The following ENC1 variants were observed in gnomAD, a reference collection of about 807,000 sequenced individuals.
The protein encoded by ENC1 is ectodermal-neural cortex 1, also known as ectoderm-neural cortex protein 1.
In ENC1, 19 loss-of-function variants were observed where a neutral mutation model predicts 40.9. The observed-to-expected ratio is 0.46, with a 90% confidence interval of 0.32 to 0.68. ENC1 has a LOEUF of 0.68. Ranked by LOEUF, ENC1 falls within the 30% of genes least tolerant of loss-of-function variation. ENC1 has a pLI of 0.03. For missense variants in ENC1, 479 were observed against 737.5 expected, an observed-to-expected ratio of 0.65 and a Z score of 4.06; for synonymous variants, 285 against 291.1, an observed-to-expected ratio of 0.98 and a Z score of 0.21.
chr5:74,632,922 T>C (rs948085298), intron 2 of ENC1, among the ~76,000 whole-genome samples: 1 of 152,076 alleles, frequency 6.6e-6, no homozygotes, highest in African/African-American at 2.4e-5. Context: ...AAATGAGCTG[T>C]AAGGGACAGG....
chr5:74,635,986 AG>A lies in ENC1; in HGVS notation c.499del (p.Leu167TyrfsTer27). 6.2e-7 allele frequency: 1 copy of A among 1,614,176 alleles called. No homozygotes were observed. ...GTTGCTGAGACACATTCTCCAAGAT[AG>A]TTCGTACAGCTTGGTGCACTGGTGT... Reference protein sequence around the residue: ...DAHQCTKLYELSWRMCLSNFQ... With the variant: ...DAHQCTKLYEXSWRMCLSNFQ... On this transcript the variant is annotated frameshift_variant, in exon 2 of 3. Coordinates refer to ENST00000302351, the MANE Select transcript of ENC1 (RefSeq NM_003633.4). LOFTEE classifies it high-confidence loss of function. This position sits in a 1 kb window ranked among gnomAD's most constrained non-coding sequence, Gnocchi z 5.5.
At position 74,636,010 on chromosome 5, in the gene ENC1, T is replaced by C; in HGVS notation, c.476A>G (p.His159Arg). The change falls in exon 2 of 3, where the codon CAC becomes CGC. Residue 159 changes from histidine (H) to arginine (R), a missense_variant. Transcript: ENST00000302351. The surrounding 1 kb of genome is among the most constrained non-coding windows in gnomAD (Gnocchi z 4.8). ...CLGMLLLSDA[H>R]QCTKLYELSW... ...TAGTTCGTACAGCTTGGTGCACTGG[T>C]GTGCATCAGACAGCAGCAGCATGCC... 6.2e-7 allele frequency: 1 copy of C among 1,613,602 alleles called. No homozygotes were observed. Among genetic ancestry groups the C allele is most frequent in the Non-Finnish European group, 8.5e-7 (1 of 1,179,502 alleles).
chr5:74,635,852 C>T lies in ENC1; in HGVS notation c.634G>A (p.Glu212Lys), dbSNP rs1346132119. ...TAGCTGATCCAGTTAATTGCAGACT[C>T]GTACACAAGCCTTTCATCCTCTGTC... ...LETEDERLVY[E>K]SAINWISYDL... The change falls in exon 2 of 3, where the codon GAG (glutamate) becomes AAG (lysine). Residue 212 changes from glutamate (E) to lysine (K), a missense_variant. Transcript: ENST00000302351. The surrounding 1 kb of genome is among the most constrained non-coding windows in gnomAD (Gnocchi z 5.5). The T allele has an allele frequency of 6.2e-7, 1 of 1,613,972 alleles. No individual in the cohort carries two copies. The highest frequency in any genetic ancestry group is 8.5e-7 in the Non-Finnish European group (1 of 1,180,022).
At position 74,634,831 on chromosome 5, in the gene ENC1, C is replaced by T; in HGVS notation, c.1655G>A (p.Cys552Tyr). 1 of 1,614,128 alleles carries T rather than the reference C, an allele frequency of 6.2e-7. No homozygotes were observed. The highest frequency in any genetic ancestry group is 8.5e-7 in the Non-Finnish European group (1 of 1,179,968). Residue 552 changes from cysteine (C) to tyrosine (Y), a missense_variant, in exon 2 of 3, where the codon TGC (cysteine) becomes TAC (tyrosine). Transcript: ENST00000302351. ...TGGATCGTAGCAGTCCAAAGTCTTG[C>T]ATCGCTGAATGCCAAAGTATCCTCC... Reference protein sequence around the residue: ...VVGGYFGIQRCKTLDCYDPTL... With the variant: ...VVGGYFGIQRYKTLDCYDPTL...
At chr5:74,637,018 G>T (rs1385446068) in intron 1 of ENC1, among the ~76,000 whole-genome samples, 1 of 152,194 alleles carries the variant, frequency 6.6e-6, no homozygotes, top group African/African-American at 2.4e-5. Context: ...AATTCCTTTG[G>T]TAAGATCCAA....
chr5:74,639,211 G>C (rs1287665257), intron 1 of ENC1, among the ~76,000 whole-genome samples: 1 of 152,196 alleles, frequency 6.6e-6, no homozygotes, highest in African/African-American at 2.4e-5. Flanking sequence ...CTTGCTTTCT[G>C]GTTTAAAACT....
intron 2 of ENC1, among the ~76,000 whole-genome samples, chr5:74,631,523 C>G (rs926157671): frequency 4.6e-5 from 7 of 152,206 alleles, no homozygotes; most frequent in African/African-American, 1.7e-4. Flanking sequence ...GTGTAGTAAA[C>G]TTTAGAAATT....
At position 74,635,296 on chromosome 5, in the gene ENC1, G is replaced by A. The variant is rs780317395; in HGVS notation, c.1190C>T (p.Thr397Met). Residue 397 changes from threonine (T) to methionine (M), a missense_variant, in exon 2 of 3, where the codon ACG becomes ATG. Coordinates refer to ENST00000302351, the MANE Select transcript of ENC1 (RefSeq NM_003633.4). This position sits in a 1 kb window ranked among gnomAD's most constrained non-coding sequence, Gnocchi z 5.5. ...GGCCGGGAGGCAGCCAGTTGCGGCC[G>A]TGTGCCCCCCAACCACATACAGGCA... is the stretch of plus-strand genomic sequence containing the variant. ...KHCLYVVGGHTAATGCLPASP... is the reference protein window; with the variant it reads ...KHCLYVVGGHMAATGCLPASP... 8 of 1,614,058 alleles carry A rather than the reference G, an allele frequency of 5.0e-6. No homozygotes were observed. The highest frequency in any genetic ancestry group is 1.3e-5 in the African/African-American group (1 of 74,926).
Position 74,635,996 on chromosome 5 carries a change from G to A in ENC1, c.490C>T (p.Leu164=). The A allele has an allele frequency of 6.2e-7, 1 of 1,614,152 alleles. No individual in the cohort carries two copies. The highest frequency in any genetic ancestry group is 8.5e-7 in the Non-Finnish European group (1 of 1,179,984). Reference sequence around the variant, plus strand: ...CACATTCTCCAAGATAGTTCGTACAGCTTGGTGCACTGGTGTGCATCAGAC... The same window carrying A: ...CACATTCTCCAAGATAGTTCGTACAACTTGGTGCACTGGTGTGCATCAGAC... ...LLSDAHQCTK[L]YELSWRMCLS... Residue 164 remains leucine, a synonymous_variant, in exon 2 of 3, where the codon CTG becomes TTG. Coordinates refer to ENST00000302351, the MANE Select transcript of ENC1 (RefSeq NM_003633.4). The surrounding 1 kb of genome is among the most constrained non-coding windows in gnomAD (Gnocchi z 5.5).
At position 74,628,101 on chromosome 5, in the gene ENC1, G is replaced by C. The variant is rs1307496765; in HGVS notation, c.*1924C>G. ...ACGACACTGACTATGCCCACTGGGG[G>C]ACAATTAGACATTTGCATTGCTTAG... On this transcript the variant is annotated 3_prime_UTR_variant, in exon 3 of 3. Coordinates refer to ENST00000302351, the MANE Select transcript of ENC1 (RefSeq NM_003633.4). 1 of 152,538 alleles carries C rather than the reference G, an allele frequency of 6.6e-6. No individual in the cohort carries two copies. The highest frequency in any genetic ancestry group is 1.5e-5 in the Non-Finnish European group (1 of 68,046). The allele number at this position is 152,538 out of a possible 1,614,324, so 9.4% of individuals were successfully genotyped here. A position where few individuals can be genotyped will look rare whatever the true frequency, so the allele number is the denominator to read the frequency against.
At chr5:74,638,816 A>G (rs1022249999) in intron 1 of ENC1, among the ~76,000 whole-genome samples, 1 of 152,190 alleles carries the variant, frequency 6.6e-6, no homozygotes, top group African/African-American at 2.4e-5. Flanking sequence ...TGCTGCCCTG[A>G]GTGAAGGAAG....
chr5:74,635,625 A>T lies in ENC1; in HGVS notation c.861T>A (p.Cys287Ter). Residue 287 changes from cysteine to a stop codon, truncating the protein, a stop_gained, in exon 2 of 3, where the codon TGT becomes TGA. Coordinates refer to ENST00000302351, the MANE Select transcript of ENC1 (RefSeq NM_003633.4). LOFTEE classifies it high-confidence loss of function. The surrounding 1 kb of genome is among the most constrained non-coding windows in gnomAD (Gnocchi z 5.5). ...CATGGCCAGTTTTCCGAGGTCGGGC[A>T]CAGAGGCTGGTTACCACACCGTCAT... is the stretch of plus-strand genomic sequence containing the variant. ...LQNDGVVTSL[C>*]ARPRKTGHAL... is the part of the protein sequence containing the mutation. 1 of 1,614,248 alleles carries T rather than the reference A, an allele frequency of 6.2e-7. No individual in the cohort carries two copies. The highest frequency in any genetic ancestry group is 8.5e-7 in the Non-Finnish European group (1 of 1,180,046).
chr5:74,630,829 T>A (rs1301799879), intron 2 of ENC1, among the ~76,000 whole-genome samples: 1 of 152,252 alleles, frequency 6.6e-6, no homozygotes, highest in South Asian at 2.1e-4. Flanking sequence ...TGTATCCCTA[T>A]TGCTGTAAGT....
At chr5:74,632,937 G>A (rs1324610415) in intron 2 of ENC1, among the ~76,000 whole-genome samples, 2 of 152,182 alleles carry the variant, frequency 1.3e-5, no homozygotes, top group Non-Finnish European at 2.9e-5. Flanking sequence ...GACAGGGAAA[G>A]AAAAGACCAA....
rs760662583 is a variant in ENC1 at position 74,635,224 on chromosome 5, A to C, written c.1262T>G (p.Ile421Ser). 1 of 1,613,928 alleles carries C rather than the reference A, an allele frequency of 6.2e-7. No homozygotes were observed. Among genetic ancestry groups the C allele is most frequent in the African/African-American group, 1.3e-5 (1 of 74,880 alleles). Residue 421 changes from isoleucine (I) to serine (S), a missense_variant, in exon 2 of 3, where the codon ATC (isoleucine) becomes AGC (serine). Ile to Ser is a moderately radical substitution (Grantham distance 142). Coordinates refer to ENST00000302351, the MANE Select transcript of ENC1 (RefSeq NM_003633.4). This position sits in a 1 kb window ranked among gnomAD's most constrained non-coding sequence, Gnocchi z 5.5. Reference protein sequence around the residue: ...LKQVEHYDPTINKWTMVAPLR... With the variant: ...LKQVEHYDPTSNKWTMVAPLR... Reference sequence around the variant, plus strand: ...TGGGGCCACCATGGTCCATTTGTTGATTGTGGGGTCATAATGTTCTACCTG... The same window carrying C: ...TGGGGCCACCATGGTCCATTTGTTGCTTGTGGGGTCATAATGTTCTACCTG...
In ENC1 at chr5:74,636,852, C is replaced by T. The variant is rs954639727; in HGVS notation, c.-13-354G>A. ...AAAGCCAAGAGGAGTGAGTCTCATT[C>T]CCACAGCTCCCTGTCCTAGTCCAGC... On this transcript the variant is annotated intron_variant, in intron 1 of 2. Coordinates refer to ENST00000302351, the MANE Select transcript of ENC1 (RefSeq NM_003633.4). The surrounding 1 kb of genome is among the most constrained non-coding windows in gnomAD (Gnocchi z 4.8). 6.6e-6 allele frequency among the ~76,000 whole-genome samples: 1 copy of T among 152,192 alleles called. No homozygotes were observed. Among genetic ancestry groups the T allele is most frequent in the African/African-American group, 2.4e-5 (1 of 41,446 alleles).
At position 74,634,711 on chromosome 5, in the gene ENC1, T is replaced by C. The variant is rs775748868; in HGVS notation, c.*5A>G. 2.2e-5 allele frequency: 35 copies of C among 1,594,508 alleles called. No individual in the cohort carries two copies. The highest frequency in any genetic ancestry group is 2.8e-5 in the Non-Finnish European group (32 of 1,163,248). Reference sequence around the variant, plus strand: ...CATGCTCACTCTCTTTAGAATGTACTGCATTTAAGAAGGCAGATGTTTCCA... The same window carrying C: ...CATGCTCACTCTCTTTAGAATGTACCGCATTTAAGAAGGCAGATGTTTCCA... On this transcript the variant is annotated 3_prime_UTR_variant, in exon 2 of 3. Transcript: ENST00000302351.
At chr5:74,637,269 C>T (rs2112037067) in intron 1 of ENC1, among the ~76,000 whole-genome samples, 1 of 152,280 alleles carries the variant, frequency 6.6e-6, no homozygotes. Flanking sequence ...GTGTGCACCA[C>T]CAAACCCAGA....
intron 2 of ENC1, among the ~76,000 whole-genome samples, chr5:74,630,326 T>A: frequency 6.6e-6 from 1 of 152,218 alleles, no homozygotes; most frequent in East Asian, 1.9e-4. Flanking sequence ...TAGATGCTAT[T>A]AGGAGTTGCC....
Sources: allele counts gnomAD v4.1 joint callset (sites outside exome capture counted in the v4.1 genomes callset), GRCh38; gene constraint gnomAD v4.1.1; non-coding constraint Gnocchi (gnomAD v3.1); transcripts MANE v1.5; gene names NCBI Gene and HGNC (gene_info 2026-07-23, HGNC 2026-07-21).